Variants in CDH13 observed in about 807,000 individuals in gnomAD.
The protein encoded by CDH13 is cadherin-13.
In CDH13, 24 loss-of-function variants were observed where a neutral mutation model predicts 63.8. The observed-to-expected ratio is 0.38, with a 90% confidence interval of 0.27 to 0.53. The LOEUF is 0.53. Among genes scored for constraint, CDH13 ranks in the 20% least tolerant of loss-of-function variants. CDH13 has a pLI of 0.85. For missense variants in CDH13, 1,049 were observed against 903.1 expected, an observed-to-expected ratio of 1.16 and a Z score of -2.07; for synonymous variants, 503 against 355.3, an observed-to-expected ratio of 1.42 and a Z score of -4.67.
intron 5 of CDH13, among the ~76,000 whole-genome samples, chr16:83,293,863 C>G (rs1049091868): frequency 6.6e-6 from 1 of 152,140 alleles, no homozygotes; most frequent in African/African-American, 2.4e-5. Flanking sequence ...GAGCCATAAT[C>G]TCTAAGGGCT....
chr16:82,710,177 T>A (rs949626090), intron 1 of CDH13, among the ~76,000 whole-genome samples: 2 of 145,784 alleles, frequency 1.4e-5, no homozygotes, highest in African/African-American at 5.0e-5. Context: ...AAATTTAATT[T>A]ATAAATTAAA....
At chr16:83,192,499 G>A (rs2038750028) in intron 4 of CDH13, among the ~76,000 whole-genome samples, 1 of 152,110 alleles carries the variant, frequency 6.6e-6, no homozygotes, top group Non-Finnish European at 1.5e-5. Flanking sequence ...GTGATTCCCA[G>A]CTCTCCCTCC....
chr16:82,962,618 A>T lies in CDH13; in HGVS notation c.158-69392A>T, dbSNP rs532147601. Among the ~76,000 whole-genome samples, 320 of 152,326 alleles carry T rather than the reference A, an allele frequency of 2.1e-3. 2 individuals are homozygous for T. The highest frequency in any genetic ancestry group is 0.017 in the Middle Eastern group (5 of 294). The stretch of plus-strand genomic sequence containing the variant: ...GTAGGAAGGTCTAGAAGAGAATCTG[A>T]CAAAGATGCGGGTGAAACTCTGAAC... On this transcript the variant is annotated intron_variant, in intron 2 of 13. Coordinates refer to ENST00000567109, the MANE Select transcript of CDH13 (RefSeq NM_001257.5).
At chr16:83,325,894 C>G (rs1597752612) in intron 5 of CDH13, among the ~76,000 whole-genome samples, 3 of 152,274 alleles carry the variant, frequency 2.0e-5, no homozygotes, top group Middle Eastern at 6.8e-3. Flanking sequence ...TATGGACTCA[C>G]TTACAGAACG....
At chr16:83,284,910 A>G (rs902032332) in intron 5 of CDH13, among the ~76,000 whole-genome samples, 1 of 152,066 alleles carries the variant, frequency 6.6e-6, no homozygotes, top group African/African-American at 2.4e-5. Context: ...AACAAACTGG[A>G]TAGGTTCTCT....
chr16:82,912,075 C>G (rs1345473884), intron 2 of CDH13, among the ~76,000 whole-genome samples: 1 of 152,078 alleles, frequency 6.6e-6, no homozygotes, highest in African/African-American at 2.4e-5. Flanking sequence ...CCTGCCGTCT[C>G]TTCAGCCATC....
intron 6 of CDH13, among the ~76,000 whole-genome samples, chr16:83,478,260 A>G (rs529259091): frequency 6.6e-6 from 1 of 152,072 alleles, no homozygotes; most frequent in Non-Finnish European, 1.5e-5. Context: ...CTGAGGCAGG[A>G]GGCACACGCT....
chr16:83,508,874 G>A (rs1002823822), intron 7 of CDH13, among the ~76,000 whole-genome samples: 2 of 152,172 alleles, frequency 1.3e-5, no homozygotes, highest in African/African-American at 2.4e-5. Context: ...ACAAGGTACC[G>A]TGTAGAGCTG....
At chr16:83,564,510 G>A (rs1002224352) in intron 7 of CDH13, among the ~76,000 whole-genome samples, 27 of 150,934 alleles carry the variant, frequency 1.8e-4, no homozygotes, top group African/African-American at 5.6e-4. Context: ...CCGGGTTCAA[G>A]TGATTCTCCT....
chr16:83,090,748 A>T (rs1042089440), intron 3 of CDH13, among the ~76,000 whole-genome samples: 1 of 152,152 alleles, frequency 6.6e-6, no homozygotes, highest in African/African-American at 2.4e-5. Context: ...AACAACAATT[A>T]GACCCTTGAT....
chr16:83,648,714 C>T (rs190185074), intron 8 of CDH13, among the ~76,000 whole-genome samples: 1 of 152,230 alleles, frequency 6.6e-6, no homozygotes, highest in African/African-American at 2.4e-5. Flanking sequence ...ATTTCTTGTG[C>T]AAAAATCGAG....
chr16:83,610,020 G>T lies in CDH13; in HGVS notation c.1101+7426G>T, dbSNP rs138373509. Among the ~76,000 whole-genome samples, 462 of 152,242 alleles carry T rather than the reference G, an allele frequency of 3.0e-3. 1 individual carries two copies. Among genetic ancestry groups the T allele is most frequent in the Admixed American group, 6.5e-3 (100 of 15,296 alleles). On this transcript the variant is annotated intron_variant, in intron 8 of 13. Coordinates refer to ENST00000567109, the MANE Select transcript of CDH13 (RefSeq NM_001257.5). ...CTTTCACTTAGCATTATGTCTTCATGGTCTGCCCATGTTTTAGTGTGTCTT... is the reference window on the plus strand; with the variant it reads ...CTTTCACTTAGCATTATGTCTTCATTGTCTGCCCATGTTTTAGTGTGTCTT...
chr16:83,631,570 G>A lies in CDH13; in HGVS notation c.1101+28976G>A, dbSNP rs182611145. 3.3e-4 allele frequency among the ~76,000 whole-genome samples: 50 copies of A among 152,188 alleles called. 1 individual carries two copies. The East Asian group carries it at 8.7e-3, about 26-fold the overall frequency. ...TTCATTTAGCAGAGTTACAGCTTGA[G>A]GTGGACAGTGTCAAAATGGCAAGCT... is the stretch of plus-strand genomic sequence containing the variant. On this transcript the variant is annotated intron_variant, in intron 8 of 13. Transcript: ENST00000567109.
At chr16:83,423,546 G>C (rs4782535) in intron 6 of CDH13, among the ~76,000 whole-genome samples, 33,626 of 151,346 alleles carry the variant, frequency 0.22, 4,381 homozygotes, top group East Asian at 0.52. Context: ...TTTTCTAAAA[G>C]TCTGAAATAA....
intron 6 of CDH13, among the ~76,000 whole-genome samples, chr16:83,409,589 T>C (rs16960408): frequency 0.028 from 4,297 of 152,330 alleles, 85 homozygotes; most frequent in African/African-American, 0.055. Flanking sequence ...TATTGATCTG[T>C]TGAGTAATCT....
At chr16:82,645,255 T>C (rs1806815912) in intron 1 of CDH13, among the ~76,000 whole-genome samples, 2 of 152,294 alleles carry the variant, frequency 1.3e-5, no homozygotes, top group African/African-American at 4.8e-5. Flanking sequence ...TGAAAGCCTC[T>C]GGGGGCAGGC....
rs569631648 is a variant in CDH13, at chr16:83,074,136, C to G, written c.366+41918C>G. Among the ~76,000 whole-genome samples the G allele has an allele frequency of 6.6e-5, 10 of 152,180 alleles. No individual in the cohort carries two copies. The East Asian group carries it at 1.9e-3, about 29-fold the overall frequency. Reference sequence around the variant, plus strand: ...ACTTAACTAATTTCTCTTCACTTACCCTCCCAGACCGACAAACATCTGCAT... The same window carrying G: ...ACTTAACTAATTTCTCTTCACTTACGCTCCCAGACCGACAAACATCTGCAT... On this transcript the variant is annotated intron_variant, in intron 3 of 13. Coordinates refer to ENST00000567109, the MANE Select transcript of CDH13 (RefSeq NM_001257.5).
intron 5 of CDH13, among the ~76,000 whole-genome samples, chr16:83,315,420 A>G (rs1190934033): frequency 2.0e-5 from 3 of 152,222 alleles, no homozygotes; most frequent in Non-Finnish European, 2.9e-5. Context: ...CTGTGTGCAC[A>G]TTTAAACCTC....
intron 1 of CDH13, among the ~76,000 whole-genome samples, chr16:82,851,857 A>C (rs1431279576): frequency 6.6e-6 from 1 of 152,212 alleles, no homozygotes; most frequent in African/African-American, 2.4e-5. Flanking sequence ...TGCAAGTCAG[A>C]GGCAGTATCC....
Sources: gnomAD v4.1 joint callset for allele counts (sites outside exome capture counted in the v4.1 genomes callset) on GRCh38, gnomAD v4.1.1 for gene constraint, MANE v1.5 for transcripts, NCBI Gene and HGNC (gene_info 2026-07-23, HGNC 2026-07-21) for gene names.